The following PIBF1 variants were observed in gnomAD, a reference collection of about 807,000 sequenced individuals.
PIBF1 encodes progesterone-induced-blocking factor 1.
In PIBF1, 90 loss-of-function variants were observed where a neutral mutation model predicts 112.5. That is an observed-to-expected ratio of 0.80 (90% confidence interval 0.67 to 0.95). The LOEUF (loss-of-function observed/expected upper bound fraction) is 0.95. Ranked by LOEUF, PIBF1 falls within the 40% of genes least tolerant of loss-of-function variation. The probability of loss-of-function intolerance (pLI) is 0.00; values close to 1 mark genes in which losing one functional copy is unlikely to be tolerated. For missense variants in PIBF1, 915 were observed against 852.3 expected (o/e 1.07, Z -0.92); for synonymous variants, 301 against 288.6 (o/e 1.04, Z -0.44).
At chr13:72,812,771 T>A (rs1167899128) in intron 5 of PIBF1, among the ~76,000 whole-genome samples, 1 of 150,434 alleles carries the variant, frequency 6.6e-6, no homozygotes, top group East Asian at 2.0e-4. Flanking sequence ...TGAGACCCTG[T>A]CTCAAAAAAC....
At chr13:72,938,978 T>C (rs1307795673) in intron 14 of PIBF1, among the ~76,000 whole-genome samples, 2 of 152,218 alleles carry the variant, frequency 1.3e-5, no homozygotes, top group Admixed American at 6.5e-5. Context: ...TTTAGAAAGA[T>C]GTCTGTTCGA....
chr13:72,827,547 C>A (rs1188641841), intron 7 of PIBF1, among the ~76,000 whole-genome samples, 186 bp from the exon 8 acceptor site: 1 of 151,958 alleles, frequency 6.6e-6, no homozygotes, highest in Non-Finnish European at 1.5e-5. Flanking sequence ...CCATGCCCAG[C>A]CCCAAAAAGA....
chr13:72,816,772 A>G (rs1436156391), intron 5 of PIBF1, among the ~76,000 whole-genome samples: 2 of 151,596 alleles, frequency 1.3e-5, no homozygotes, highest in African/African-American at 4.8e-5. Context: ...TTAGCATGTA[A>G]TAGAAATTAT....
intron 5 of PIBF1, among the ~76,000 whole-genome samples, chr13:72,805,450 CTAA>C: frequency 6.6e-6 from 1 of 152,104 alleles, no homozygotes; most frequent in East Asian, 1.9e-4. Context: ...CCTGAAGTTA[CTAA>C]CTTTTAATAA....
At chr13:72,823,154 A>C (rs2138132542) in intron 6 of PIBF1, among the ~76,000 whole-genome samples, 1 of 152,318 alleles carries the variant, frequency 6.6e-6, no homozygotes, top group East Asian at 1.9e-4. Context: ...AGATGATACC[A>C]GTTGGTATTT....
chr13:72,884,702 T>G (rs909224978), intron 10 of PIBF1: 2 of 152,156 alleles, frequency 1.3e-5, no homozygotes, highest in East Asian at 1.9e-4. Context: ...ACTTTTAAAC[T>G]TTCTCATTTT....
At chr13:72,947,838 A>G (rs1439716953) in intron 14 of PIBF1, among the ~76,000 whole-genome samples, 1 of 152,172 alleles carries the variant, frequency 6.6e-6, no homozygotes, top group Admixed American at 6.5e-5. Context: ...AACCAACCCA[A>G]ATGCTCATCA....
At chr13:72,899,950 A>G (rs534448342) in intron 11 of PIBF1, among the ~76,000 whole-genome samples, 2 of 152,210 alleles carry the variant, frequency 1.3e-5, no homozygotes, top group African/African-American at 2.4e-5. Context: ...TAGCACTTCT[A>G]TACACCAACA....
At chr13:72,905,322 T>C (rs1270040834) in intron 11 of PIBF1, among the ~76,000 whole-genome samples, 1 of 152,096 alleles carries the variant, frequency 6.6e-6, no homozygotes, top group Non-Finnish European at 1.5e-5. Context: ...CATCTCAGCC[T>C]CCCAAAGTGC....
At position 72,990,617 on chromosome 13, in the gene PIBF1, G is replaced by A. The variant is rs568413532; in HGVS notation, c.2050-8205G>A. 7.2e-4 allele frequency among the ~76,000 whole-genome samples: 110 copies of A among 151,968 alleles called. 2 individuals are homozygous for A. In the South Asian group the frequency reaches 0.023, roughly 31 times the overall value. On this transcript the variant is annotated intron_variant, in intron 16 of 17. Transcript: ENST00000326291. The stretch of plus-strand genomic sequence containing the variant: ...AATACCAGCACTTTGGAAGGCCAAG[G>A]TGGGTGGATCACCCAAGGTCAGGAG...
At chr13:72,915,084 T>TAG (rs1481395766) in intron 12 of PIBF1, among the ~76,000 whole-genome samples, 2 of 152,190 alleles carry the variant, frequency 1.3e-5, no homozygotes, top group African/African-American at 4.8e-5. Context: ...TACATTGTGT[T>TAG]AGGTATTGTA....
chr13:72,866,156 T>C (rs902576914), intron 10 of PIBF1, among the ~76,000 whole-genome samples: 5 of 152,196 alleles, frequency 3.3e-5, no homozygotes, highest in Non-Finnish European at 5.9e-5. Flanking sequence ...GTGCCTCTTA[T>C]ATGGATATAT....
chr13:72,939,741 T>C (rs2138810239), intron 14 of PIBF1, among the ~76,000 whole-genome samples: 1 of 152,296 alleles, frequency 6.6e-6, no homozygotes, highest in Admixed American at 6.5e-5. Flanking sequence ...CTTTTAAGTG[T>C]ATACCTGGGA....
chr13:72,991,750 G>A (rs990103904), intron 16 of PIBF1, among the ~76,000 whole-genome samples: 22 of 148,758 alleles, frequency 1.5e-4, no homozygotes, highest in Non-Finnish European at 3.0e-4. Flanking sequence ...ATGGAGTCTC[G>A]CTCTGTCGCC....
At chr13:72,874,545 C>T (rs1157085418) in intron 10 of PIBF1, among the ~76,000 whole-genome samples, 1 of 152,070 alleles carries the variant, frequency 6.6e-6, no homozygotes, top group Non-Finnish European at 1.5e-5. Flanking sequence ...TGACACAAAT[C>T]CAATCAATAG....
At chr13:72,841,688 T>G (rs2037617679) in intron 9 of PIBF1, among the ~76,000 whole-genome samples, 1 of 152,130 alleles carries the variant, frequency 6.6e-6, no homozygotes, top group South Asian at 2.1e-4. Flanking sequence ...GAGGATCACC[T>G]GAGCCTGGGA....
intron 3 of PIBF1, 150 bp downstream of exon 3, chr13:72,792,697 G>A: frequency 1.8e-6 from 1 of 546,350 alleles, no homozygotes; most frequent in South Asian, 2.7e-5. Flanking sequence ...CACAAAAAAA[G>A]TAGGATACTT....
intron 14 of PIBF1, among the ~76,000 whole-genome samples, chr13:72,931,793 AT>A (rs2041712150): frequency 7.1e-6 from 1 of 140,794 alleles, no homozygotes; most frequent in African/African-American, 2.6e-5. Context: ...TCAAGATCTA[AT>A]TTTATTTTTC....
chr13:72,920,365 T>C (rs936223336), intron 13 of PIBF1, among the ~76,000 whole-genome samples: 1 of 152,196 alleles, frequency 6.6e-6, no homozygotes, highest in Non-Finnish European at 1.5e-5. Context: ...AAAGTAAGGC[T>C]AGATATCCAA....
Sources: allele counts gnomAD v4.1 joint callset (sites outside exome capture counted in the v4.1 genomes callset), GRCh38; gene constraint gnomAD v4.1.1; transcripts MANE v1.5; gene names NCBI Gene and HGNC (gene_info 2026-07-23, HGNC 2026-07-21).